ADGRB3: variants seen among roughly 807,000 people sequenced by gnomAD.
ADGRB3 encodes adhesion G protein-coupled receptor B3.
A neutral mutation model predicts 193.4 loss-of-function variants in ADGRB3; 37 were observed. The ratio of observed to expected loss-of-function variants is 0.19; its 90% CI spans 0.15 to 0.25. The LOEUF (loss-of-function observed/expected upper bound fraction) is 0.25. Ranked by LOEUF, ADGRB3 falls within the 10% of genes least tolerant of loss-of-function variation. The pLI is 1.00. For missense variants in ADGRB3, 1,637 were observed against 1,852.9 expected, an observed-to-expected ratio of 0.88 and a Z score of 2.14; for synonymous variants, 690 against 644.2, an observed-to-expected ratio of 1.07 and a Z score of -1.08.
At chr6:68,970,699 A>G (rs916247971) in intron 8 of ADGRB3, among the ~76,000 whole-genome samples, 1 of 152,216 alleles carries the variant, frequency 6.6e-6, no homozygotes, top group African/African-American at 2.4e-5. Context: ...ATATTAGGTA[A>G]AAATGTAGCC....
chr6:68,986,704 G>A (rs1370971347), intron 10 of ADGRB3, among the ~76,000 whole-genome samples: 1 of 152,102 alleles, frequency 6.6e-6, no homozygotes, highest in East Asian at 1.9e-4. Context: ...AAAGCTCTAT[G>A]TATAATTATC....
intron 13 of ADGRB3, among the ~76,000 whole-genome samples, chr6:69,039,972 C>T (rs577871176): frequency 4.1e-4 from 63 of 152,088 alleles, no homozygotes; most frequent in African/African-American, 1.4e-3. Flanking sequence ...GATCTCCTGA[C>T]ATCGTGATCC....
chr6:68,785,508 A>G (rs1003340592), intron 3 of ADGRB3, among the ~76,000 whole-genome samples: 4 of 151,956 alleles, frequency 2.6e-5, no homozygotes, highest in African/African-American at 4.8e-5. Flanking sequence ...ATGGCTGCAT[A>G]GTATTCCATG....
chr6:68,994,475 G>A (rs1436705514), intron 11 of ADGRB3, among the ~76,000 whole-genome samples: 4 of 152,200 alleles, frequency 2.6e-5, no homozygotes, highest in South Asian at 2.1e-4. Context: ...AAGAAAATAC[G>A]AAATTCAATA....
chr6:69,237,247 A>G lies in ADGRB3; in HGVS notation c.2712-1877A>G, dbSNP rs3799065. Among the ~76,000 whole-genome samples the G allele has an allele frequency of 8.4e-4, 128 of 152,142 alleles. 1 individual carries two copies. The East Asian group carries it at 0.021, about 25-fold the overall frequency. The stretch of plus-strand genomic sequence containing the variant: ...GCATGTTAGGTTCCTACCACCTTTT[A>G]TTCTCAGTAAAAAGTTTAGAAATTT... On this transcript the variant is annotated intron_variant, in intron 19 of 31. Coordinates refer to ENST00000370598, the MANE Select transcript of ADGRB3 (RefSeq NM_001704.3).
chr6:69,025,040 C>T (rs1770386879), intron 13 of ADGRB3, among the ~76,000 whole-genome samples: 1 of 150,840 alleles, frequency 6.6e-6, no homozygotes, highest in Admixed American at 6.6e-5. Flanking sequence ...TGCAGTGAGC[C>T]GAGATCGCGC....
At chr6:69,131,456 A>G (rs1774006993) in intron 17 of ADGRB3, among the ~76,000 whole-genome samples, 1 of 151,924 alleles carries the variant, frequency 6.6e-6, no homozygotes, top group South Asian at 2.1e-4. Context: ...CACTGCTTCT[A>G]GTCATCCACC....
intron 17 of ADGRB3, among the ~76,000 whole-genome samples, chr6:69,142,779 G>C (rs78809661): frequency 6.6e-6 from 1 of 152,178 alleles, no homozygotes; most frequent in Non-Finnish European, 1.5e-5. Flanking sequence ...CCTCATGTCT[G>C]TGAGGGGTCT....
chr6:69,206,918 T>A (rs1246492914), intron 17 of ADGRB3, among the ~76,000 whole-genome samples: 1 of 152,310 alleles, frequency 6.6e-6, no homozygotes, highest in Non-Finnish European at 1.5e-5. Context: ...TAGTCCTGGA[T>A]TGGGCTTTTG....
chr6:68,816,311 A>T (rs1457531077), intron 3 of ADGRB3, among the ~76,000 whole-genome samples: 2 of 152,000 alleles, frequency 1.3e-5, no homozygotes, highest in Admixed American at 1.3e-4. Context: ...AAAATGATTA[A>T]GAATCTGTAC....
intron 8 of ADGRB3, among the ~76,000 whole-genome samples, chr6:68,962,275 C>A (rs1414455096): frequency 6.6e-6 from 1 of 152,090 alleles, no homozygotes; most frequent in African/African-American, 2.4e-5. Context: ...AGTTTTACCA[C>A]CTATTTTAGT....
At chr6:69,269,656 C>T (rs1767130361) in intron 20 of ADGRB3, among the ~76,000 whole-genome samples, 1 of 151,920 alleles carries the variant, frequency 6.6e-6, no homozygotes, top group Non-Finnish European at 1.5e-5. Flanking sequence ...ACTGATGTGC[C>T]CACAGCAATA....
At chr6:68,937,225 AAGAGAG>A (rs59088683) in intron 5 of ADGRB3, among the ~76,000 whole-genome samples, 180 of 149,682 alleles carry the variant, frequency 1.2e-3, no homozygotes, top group South Asian at 4.0e-3. Context: ...AAACTTAATG[AAGAGAG>A]AGAGAGAGAG....
intron 20 of ADGRB3, among the ~76,000 whole-genome samples, chr6:69,319,661 C>A (rs1768402000): frequency 6.6e-6 from 1 of 151,302 alleles, no homozygotes; most frequent in South Asian, 2.1e-4. Flanking sequence ...CTTCTTTGTG[C>A]CTTGCTCCTT....
chr6:69,155,282 A>G (rs1188607553), intron 17 of ADGRB3, among the ~76,000 whole-genome samples: 1 of 152,174 alleles, frequency 6.6e-6, no homozygotes, highest in East Asian at 1.9e-4. Context: ...TACTACTTCC[A>G]TTCTCCATTA....
chr6:69,173,015 G>GT (rs1286328726), intron 17 of ADGRB3, among the ~76,000 whole-genome samples: 5,074 of 103,090 alleles, frequency 0.049, 111 homozygotes, highest in African/African-American at 0.065. Context: ...GTTGTGTGGG[G>GT]TTTTGGTTTT....
chr6:69,361,522 A>G lies in ADGRB3; in HGVS notation c.4239+10A>G. 1 of 1,600,744 alleles carries G rather than the reference A, an allele frequency of 6.2e-7. No individual in the cohort carries two copies. Among genetic ancestry groups the G allele is most frequent in the Non-Finnish European group, 8.5e-7 (1 of 1,172,762 alleles). ...AATGAGTTCTTTAGAGGTGAGCCAC[A>G]GAAGATTAAATTTTTCCTTGATAGT... On this transcript the variant is annotated intron_variant, in intron 29 of 31. Coordinates refer to ENST00000370598, the MANE Select transcript of ADGRB3 (RefSeq NM_001704.3).
chr6:69,011,901 T>C (rs1363215959), intron 11 of ADGRB3, among the ~76,000 whole-genome samples: 1 of 151,982 alleles, frequency 6.6e-6, no homozygotes, highest in African/African-American at 2.4e-5. Flanking sequence ...GTCTAATCAA[T>C]AGTGAGAACA....
intron 3 of ADGRB3, among the ~76,000 whole-genome samples, chr6:68,687,008 AG>A: frequency 6.6e-6 from 1 of 152,100 alleles, no homozygotes. Flanking sequence ...AGTGACTTTA[AG>A]TAGTTTTGGG....
Sources: gnomAD v4.1 joint callset for allele counts (sites outside exome capture counted in the v4.1 genomes callset) on GRCh38, gnomAD v4.1.1 for gene constraint, MANE v1.5 for transcripts, NCBI Gene and HGNC (gene_info 2026-07-23, HGNC 2026-07-21) for gene names.